NMU: variants seen among roughly 807,000 people sequenced by gnomAD.
The protein encoded by NMU is neuromedin-U.
NMU carries 29 observed loss-of-function variants against 35.4 expected under a neutral mutation model. The ratio of observed to expected loss-of-function variants is 0.82; its 90% CI spans 0.61 to 1.12. NMU has a LOEUF of 1.12. Among genes scored for constraint, NMU ranks in the 50% most tolerant of loss-of-function variants. The pLI is 0.00. For missense variants in NMU, 199 were observed against 206.2 expected (o/e 0.97, Z 0.21); for synonymous variants, 78 against 81.3 (o/e 0.96, Z 0.22).
chr4:55,616,699 G>A (rs1244313938), intron 2 of NMU, among the ~76,000 whole-genome samples: 2 of 152,198 alleles, frequency 1.3e-5, no homozygotes, highest in East Asian at 3.8e-4. Context: ...CCTGAGAAAT[G>A]TGAGAGCTGG....
chr4:55,598,098 T>G (rs1427498371), intron 9 of NMU, among the ~76,000 whole-genome samples: 52 of 144,948 alleles, frequency 3.6e-4, no homozygotes, highest in African/African-American at 1.3e-3. Flanking sequence ...GGTTTTTTTT[T>G]TTTTTTTTTT....
intron 7 of NMU, among the ~76,000 whole-genome samples, chr4:55,604,679 A>ATATTTTTTTTTTTTTT (rs1553909885): frequency 1.7e-4 from 8 of 47,610 alleles, no homozygotes; most frequent in African/African-American, 8.2e-4. Context: ...TGCCTGGCTA[A>ATATTTTTTTTTTTTTT]TTTTTTTTTT....
In NMU at chr4:55,609,171, G is replaced by C; in HGVS notation, c.228C>G (p.Asn76Lys). The C allele has an allele frequency of 6.2e-7, 1 of 1,609,962 alleles. No individual in the cohort carries two copies. The highest frequency in any genetic ancestry group is 8.5e-7 in the Non-Finnish European group (1 of 1,176,430). ...LSIDSQPQASNALEELCFMIM... is the reference protein window; with the variant it reads ...LSIDSQPQASKALEELCFMIM... ...TCATAAAGCAAAGCTCCTCCAGTGC[G>C]TTGGATGCCTAACAGAAATGAGAAG... Residue 76 changes from asparagine to lysine, a missense_variant, in exon 4 of 10, where the codon AAC becomes AAG. Transcript: ENST00000264218.
intron 3 of NMU, among the ~76,000 whole-genome samples, chr4:55,610,795 C>T (rs968627610): frequency 7.2e-5 from 11 of 152,088 alleles, no homozygotes; most frequent in African/African-American, 2.2e-4. Context: ...TGATAGAATG[C>T]GTATACAATG....
intron 7 of NMU, among the ~76,000 whole-genome samples, chr4:55,604,679 ATTTTTTTTTTT>A (rs767568542): frequency 2.1e-5 from 1 of 47,610 alleles, no homozygotes; most frequent in South Asian, 1.4e-3. Flanking sequence ...TGCCTGGCTA[ATTTTTTTTTTT>A]TTTTTTTTTT....
At chr4:55,616,076 A>T (rs963154671) in intron 3 of NMU, among the ~76,000 whole-genome samples, 9 of 152,148 alleles carry the variant, frequency 5.9e-5, no homozygotes, top group Admixed American at 3.3e-4. Flanking sequence ...CTTAACACAT[A>T]ATTTGATTTT....
intron 7 of NMU, among the ~76,000 whole-genome samples, chr4:55,602,245 AGT>A (rs1733458209): frequency 6.6e-6 from 1 of 152,208 alleles, no homozygotes; most frequent in Non-Finnish European, 1.5e-5. Context: ...ATTTAAGAAA[AGT>A]GTTTTAAAAT....
intron 3 of NMU, among the ~76,000 whole-genome samples, chr4:55,615,210 C>T (rs1014548384): frequency 6.6e-6 from 1 of 152,242 alleles, no homozygotes; most frequent in African/African-American, 2.4e-5. Context: ...CACTCCTGGC[C>T]TCTTTCCAAA....
At chr4:55,630,827 C>A (rs2110213319) in intron 1 of NMU, among the ~76,000 whole-genome samples, 1 of 152,096 alleles carries the variant, frequency 6.6e-6, no homozygotes, top group South Asian at 2.1e-4. Context: ...CTAGAAAAAA[C>A]AATCCTAAAA....
At chr4:55,618,326 C>A (rs1318593326) in intron 2 of NMU, among the ~76,000 whole-genome samples, 1 of 152,036 alleles carries the variant, frequency 6.6e-6, no homozygotes, top group African/African-American at 2.4e-5. Context: ...AGGTTTTAAG[C>A]CCCGCATGCA....
At chr4:55,618,702 CTTT>C (rs927157569) in intron 2 of NMU, among the ~76,000 whole-genome samples, 2 of 116,432 alleles carry the variant, frequency 1.7e-5, no homozygotes, top group African/African-American at 6.7e-5. Context: ...TCTCTCTCTT[CTTT>C]CTTTTTCTTT....
At position 55,612,816 on chromosome 4, in the gene NMU, A is replaced by C. The variant is rs566969031; in HGVS notation, c.219+3522T>G. ...TAATATCTTATTTTTAAATGTATAG[A>C]CCTTAAAGATAACATTTTCTACTTG... is the stretch of plus-strand genomic sequence containing the variant. On this transcript the variant is annotated intron_variant, in intron 3 of 9. Transcript: ENST00000264218. Among the ~76,000 whole-genome samples, 4 of 152,354 alleles carry C rather than the reference A, an allele frequency of 2.6e-5. No homozygotes were observed. In the South Asian group the frequency reaches 8.3e-4, roughly 32 times the overall value.
At chr4:55,598,784 C>A (rs1733307611) in intron 9 of NMU, among the ~76,000 whole-genome samples, 1 of 152,120 alleles carries the variant, frequency 6.6e-6, no homozygotes, top group Non-Finnish European at 1.5e-5. Context: ...CTGATTACTG[C>A]AATAAGAATT....
At chr4:55,604,127 G>A (rs1230680022) in intron 7 of NMU, among the ~76,000 whole-genome samples, 1 of 144,162 alleles carries the variant, frequency 6.9e-6, no homozygotes, top group African/African-American at 2.6e-5. Flanking sequence ...GTGCAGTGGC[G>A]AGATTTCAGC....
chr4:55,602,568 C>A (rs1288803318), intron 7 of NMU, among the ~76,000 whole-genome samples: 13 of 152,152 alleles, frequency 8.5e-5, no homozygotes, highest in African/African-American at 2.7e-4. Flanking sequence ...TGTAGTCACA[C>A]TAATGATTGT....
chr4:55,597,148 A>G (rs981955541), intron 9 of NMU, among the ~76,000 whole-genome samples: 2 of 152,042 alleles, frequency 1.3e-5, no homozygotes, highest in Non-Finnish European at 2.9e-5. Flanking sequence ...AAATTTTTAC[A>G]TTAATATTTA....
In NMU at chr4:55,630,452, T is replaced by C. The variant is rs550455217; in HGVS notation, c.121A>G (p.Ile41Val). ...TCAGGCTGTAATCCTTGAGGTAATATTGGAGCACCTAAAAATAAAGTTGTA... is the reference window on the plus strand; with the variant it reads ...TCAGGCTGTAATCCTTGAGGTAATACTGGAGCACCTAAAAATAAAGTTGTA... ...WCAGACRGAP[I>V]LPQGLQPEQQ... is the part of the protein sequence containing the mutation. Residue 41 changes from isoleucine (I) to valine (V), a missense_variant, in exon 2 of 10, where the codon ATA (isoleucine) becomes GTA (valine). Physicochemically the swap from Ile to Val is conservative, Grantham distance 29. Coordinates refer to ENST00000264218, the MANE Select transcript of NMU (RefSeq NM_006681.4). 3 of 1,611,462 alleles carry C rather than the reference T, an allele frequency of 1.9e-6. No homozygotes were observed. The highest frequency in any genetic ancestry group is 1.3e-5 in the African/African-American group (1 of 74,998).
chr4:55,634,238 A>G (rs1443791714), intron 1 of NMU, among the ~76,000 whole-genome samples: 1 of 152,150 alleles, frequency 6.6e-6, no homozygotes, highest in Non-Finnish European at 1.5e-5. Context: ...ACTGGGGCAG[A>G]TCACATGGCT....
intron 9 of NMU, among the ~76,000 whole-genome samples, 163 bp from the exon 10 acceptor site, chr4:55,595,574 A>ACATG (rs1733139868): frequency 6.8e-6 from 1 of 146,600 alleles, no homozygotes; most frequent in African/African-American, 2.5e-5. Flanking sequence ...ACACACACAC[A>ACATG]CACACACACA....
Sources: allele counts gnomAD v4.1 joint callset (sites outside exome capture counted in the v4.1 genomes callset), GRCh38; gene constraint gnomAD v4.1.1; transcripts MANE v1.5; gene names NCBI Gene and HGNC (gene_info 2026-07-23, HGNC 2026-07-21).